SLC44A4: variants seen among roughly 807,000 people sequenced by gnomAD.
SLC44A4 encodes choline transporter-like protein 4.
A neutral mutation model predicts 97.0 loss-of-function variants in SLC44A4; 74 were observed. The ratio of observed to expected loss-of-function variants is 0.76; its 90% CI spans 0.63 to 0.93. The LOEUF (loss-of-function observed/expected upper bound fraction) is 0.93. Ranked by LOEUF, SLC44A4 falls within the 40% of genes least tolerant of loss-of-function variation. The pLI is 0.00. For synonymous variants in SLC44A4, 325 were observed against 363.8 expected (o/e 0.89, Z 1.21); for missense variants, 799 against 902.9 (o/e 0.88, Z 1.48).
At position 31,876,921 on chromosome 6, in the gene SLC44A4, T is replaced by C; in HGVS notation, c.89+113A>G. 1 of 1,129,654 alleles carries C rather than the reference T, an allele frequency of 8.9e-7. No homozygotes were observed. The highest frequency in any genetic ancestry group is 1.3e-6 in the Non-Finnish European group (1 of 797,720). 70.0% of individuals were successfully genotyped at this position (1,129,654 alleles called of 1,614,324 possible). ...GGGCACCACCCATCTGGGGCAGGAG[T>C]TTCTCTTTTTCACAAGTTTCCTACT... On this transcript the variant is annotated intron_variant, in intron 2 of 20. Transcript: ENST00000229729. The surrounding 1 kb of genome is among the most constrained non-coding windows in gnomAD (Gnocchi z 4.8).
intron 13 of SLC44A4, 74 bp from the exon 14 acceptor site, chr6:31,866,200 C>T: frequency 6.5e-7 from 1 of 1,549,766 alleles, no homozygotes; most frequent in Non-Finnish European, 8.7e-7. Flanking sequence ...GTCCCATTCC[C>T]AGTAGCTCCT....
chr6:31,878,045 C>G lies in SLC44A4; in HGVS notation c.40+896G>C, dbSNP rs947743756. ...AAGGTCCCTCATAGGGGTTCCTTCC[C>G]CTTCAGACCAGAAGACCAGGGGGGC... On this transcript the variant is annotated intron_variant, in intron 1 of 20. Coordinates refer to ENST00000229729, the MANE Select transcript of SLC44A4 (RefSeq NM_025257.3). The surrounding 1 kb of genome is among the most constrained non-coding windows in gnomAD (Gnocchi z 4.0). 6.6e-6 allele frequency: 1 copy of G among 152,158 alleles called. No homozygotes were observed. The highest frequency in any genetic ancestry group is 1.5e-5 in the Non-Finnish European group (1 of 68,060). The allele number at this position is 152,158 out of a possible 1,614,324, so 9.4% of individuals were successfully genotyped here.
In SLC44A4 at chr6:31,869,264, G is replaced by A; in HGVS notation, c.1131-7C>T. 6.3e-7 allele frequency: 1 copy of A among 1,595,784 alleles called. No individual in the cohort carries two copies. Among genetic ancestry groups the A allele is most frequent in the Non-Finnish European group, 8.5e-7 (1 of 1,170,650 alleles). On this transcript the variant is annotated splice_polypyrimidine_tract_variant and splice_region_variant and intron_variant, in intron 12 of 20. Coordinates refer to ENST00000229729, the MANE Select transcript of SLC44A4 (RefSeq NM_025257.3). ...CCCCGATGTAGCCAGGTACCCAGAGGGGAGTCAAGGAAAGCATGATCACAC... is the reference window on the plus strand; with the variant it reads ...CCCCGATGTAGCCAGGTACCCAGAGAGGAGTCAAGGAAAGCATGATCACAC...
Position 31,865,281 on chromosome 6 carries a change from AG to A in SLC44A4, c.1760+33del, listed in dbSNP as rs1436506681. 5 of 1,611,884 alleles carry A rather than the reference AG, an allele frequency of 3.1e-6. No individual in the cohort carries two copies. The South Asian group carries it at 5.5e-5, about 18-fold the overall frequency. ...CCAGCCTTGGGTGGGAGATCAGAGGAGGGAGCCACAAAGCGGGGGGGGAGCA... is the reference window on the plus strand; with the variant it reads ...CCAGCCTTGGGTGGGAGATCAGAGGAGGAGCCACAAAGCGGGGGGGGAGCA... On this transcript the variant is annotated intron_variant, in intron 17 of 20. Coordinates refer to ENST00000229729, the MANE Select transcript of SLC44A4 (RefSeq NM_025257.3). The surrounding 1 kb of genome is among the most constrained non-coding windows in gnomAD (Gnocchi z 5.2).
intron 20 of SLC44A4, 145 bp downstream of exon 20, chr6:31,864,507 C>G: frequency 1.3e-6 from 1 of 742,494 alleles, no homozygotes. Context: ...CGCCTGGCCT[C>G]AGGATGTCAC....
Position 31,877,168 on chromosome 6 carries a change from C to T in SLC44A4, c.41-86G>A. ...AGTCCTCCTAGCCCCAGGATCCTAC[C>T]CAGGCCTCAGGTGTTTGGAGGGAGA... On this transcript the variant is annotated intron_variant, in intron 1 of 20. Transcript: ENST00000229729. This position sits in a 1 kb window ranked among gnomAD's most constrained non-coding sequence, Gnocchi z 6.5. 7.1e-7 allele frequency: 1 copy of T among 1,405,312 alleles called. No homozygotes were observed. The highest frequency in any genetic ancestry group is 9.8e-7 in the Non-Finnish European group (1 of 1,015,546). 87.1% of individuals were successfully genotyped at this position (1,405,312 alleles called of 1,614,324 possible). A position where few individuals can be genotyped will look rare whatever the true frequency, so the allele number is the denominator to read the frequency against.
intron 7 of SLC44A4, among the ~76,000 whole-genome samples, chr6:31,872,568 T>G (rs922939259): frequency 6.6e-6 from 1 of 152,212 alleles, no homozygotes; most frequent in Non-Finnish European, 1.5e-5. Context: ...TTTCTCACTC[T>G]ATTGCCCAGG....
At chr6:31,867,035 G>A (rs955611409) in intron 13 of SLC44A4, among the ~76,000 whole-genome samples, 1 of 152,008 alleles carries the variant, frequency 6.6e-6, no homozygotes, top group Admixed American at 6.6e-5. Flanking sequence ...ATAATAAAAA[G>A]TAAAAAGTCA....
rs184905296 is a variant in SLC44A4 at position 31,868,108 on chromosome 6, C to T, written c.1233+1047G>A. On this transcript the variant is annotated intron_variant, in intron 13 of 20. Coordinates refer to ENST00000229729, the MANE Select transcript of SLC44A4 (RefSeq NM_025257.3). ...CTGGGATTACAGGCATGAGCCACCG[C>T]GCCTGCCAAACCTCCCCTTTTTAAT... Among the ~76,000 whole-genome samples, 702 of 152,328 alleles carry T rather than the reference C, an allele frequency of 4.6e-3. 5 individuals are homozygous for T. Among genetic ancestry groups the T allele is most frequent in the African/African-American group, 0.014 (594 of 41,574 alleles).
chr6:31,863,724 C>G lies in SLC44A4; in HGVS notation c.2036G>C (p.Gly679Ala). 1 of 1,612,744 alleles carries G rather than the reference C, an allele frequency of 6.2e-7. No homozygotes were observed. Among genetic ancestry groups the G allele is most frequent in the Non-Finnish European group, 8.5e-7 (1 of 1,179,948 alleles). The change falls in exon 21 of 21, where the codon GGC becomes GCC. Residue 679 changes from glycine to alanine, a missense_variant. By Grantham distance (60) the Gly-to-Ala change is moderately conservative. Around this residue, in one of 3 missense-constraint regions of SLC44A4, gnomAD observed 379 missense variants for 438.3 expected, o/e 0.86. Transcript: ENST00000229729. ...CATGTAGTAGGGCCGGTCCAGGGAG[C>G]CGTTGTTCCGCTCCAGGTCTTCCAC... ...CFLEDLERNN[G>A]SLDRPYYMSK... is the part of the protein sequence containing the mutation.
chr6:31,868,049 C>T (rs1762956329), intron 13 of SLC44A4, among the ~76,000 whole-genome samples: 1 of 152,102 alleles, frequency 6.6e-6, no homozygotes. Context: ...AACTCCTGAC[C>T]TCAGGTGATC....
intron 13 of SLC44A4, among the ~76,000 whole-genome samples, chr6:31,867,347 C>A (rs993971918): frequency 2.6e-5 from 4 of 151,774 alleles, no homozygotes; most frequent in Non-Finnish European, 5.9e-5. Context: ...CCTGCCTCGG[C>A]CTCCCAAAGT....
intron 4 of SLC44A4, among the ~76,000 whole-genome samples, chr6:31,875,380 G>A (rs1763389298): frequency 6.6e-6 from 1 of 152,174 alleles, no homozygotes. Context: ...GCTTGTGTGT[G>A]TAAAGTTTAC....
Position 31,877,115 on chromosome 6 carries a change from G to C in SLC44A4, c.41-33C>G. ...ACATGAGAAGAGGTGTGGAGGATGA[G>C]TCTCTCTCTGCATATCTTGTCCTGC... On this transcript the variant is annotated intron_variant, in intron 1 of 20. Transcript: ENST00000229729. The surrounding 1 kb of genome is among the most constrained non-coding windows in gnomAD (Gnocchi z 6.5). 1 of 1,598,476 alleles carries C rather than the reference G, an allele frequency of 6.3e-7. No homozygotes were observed. The highest frequency in any genetic ancestry group is 8.5e-7 in the Non-Finnish European group (1 of 1,171,934).
At position 31,870,928 on chromosome 6, in the gene SLC44A4, T is replaced by C. The variant is rs761952630; in HGVS notation, c.821A>G (p.Tyr274Cys). 9 of 1,612,852 alleles carry C rather than the reference T, an allele frequency of 5.6e-6. No homozygotes were observed. The highest frequency in any genetic ancestry group is 7.6e-6 in the Non-Finnish European group (9 of 1,179,998). ...CACTCGGTACTCCTCCCAGCAGTAG[T>C]AGATGCCGTATGCCAGCACGCCCAG... ...GVLGVLAYGIYYCWEEYRVLR... is the reference protein window; with the variant it reads ...GVLGVLAYGICYCWEEYRVLR... The change falls in exon 10 of 21, where the codon TAC becomes TGC. Residue 274 changes from tyrosine to cysteine, a missense_variant. By Grantham distance (194) the Tyr-to-Cys change is radical. Coordinates refer to ENST00000229729, the MANE Select transcript of SLC44A4 (RefSeq NM_025257.3).
Position 31,865,153 on chromosome 6 carries a change from T to G in SLC44A4, c.1761-73A>C. Reference sequence around the variant, plus strand: ...TGAGAGTGAAATTGGCTTCGTAATTTGTGGGGACTGGTGCAAAATGAAAAT... The same window carrying G: ...TGAGAGTGAAATTGGCTTCGTAATTGGTGGGGACTGGTGCAAAATGAAAAT... On this transcript the variant is annotated intron_variant, in intron 17 of 20. Coordinates refer to ENST00000229729, the MANE Select transcript of SLC44A4 (RefSeq NM_025257.3). This position sits in a 1 kb window ranked among gnomAD's most constrained non-coding sequence, Gnocchi z 5.2. The G allele has an allele frequency of 6.4e-7, 1 of 1,573,066 alleles. No individual in the cohort carries two copies. Among genetic ancestry groups the G allele is most frequent in the East Asian group, 2.2e-5 (1 of 44,652 alleles).
In SLC44A4 at chr6:31,875,946, C is replaced by G; in HGVS notation, c.164-16G>C. ...TACAACCAGGCTGCAGACAGAGGCA[C>G]AGATGAGTCATTGGAGGGCAGGGAC... On this transcript the variant is annotated splice_polypyrimidine_tract_variant and intron_variant, in intron 3 of 20. Transcript: ENST00000229729. The G allele has an allele frequency of 6.2e-7, 1 of 1,613,986 alleles. No homozygotes were observed. Among genetic ancestry groups the G allele is most frequent in the East Asian group, 2.2e-5 (1 of 44,882 alleles).
intron 7 of SLC44A4, among the ~76,000 whole-genome samples, chr6:31,873,162 A>C (rs1415412137): frequency 6.6e-6 from 1 of 152,074 alleles, no homozygotes; most frequent in Non-Finnish European, 1.5e-5. Context: ...GGTGTGAGCC[A>C]CTGCTCCCGG....
intron 7 of SLC44A4, among the ~76,000 whole-genome samples, chr6:31,872,885 A>ATT (rs9281618): frequency 0.13 from 18,661 of 143,364 alleles, 1,442 homozygotes; most frequent in African/African-American, 0.23. Context: ...AAATTGTCTA[A>ATT]TTTTTTTTTT....
Sources: gnomAD v4.1 joint callset for allele counts (sites outside exome capture counted in the v4.1 genomes callset) on GRCh38, gnomAD v4.1.1 for gene constraint, gnomAD v4.1.1 regional missense constraint, Gnocchi (gnomAD v3.1) non-coding constraint, MANE v1.5 for transcripts, NCBI Gene and HGNC (gene_info 2026-07-23, HGNC 2026-07-21) for gene names.